Variants in PKD1 observed in about 807,000 individuals in gnomAD.
PKD1 encodes the protein polycystin-1.
PKD1 carries 81 observed loss-of-function variants against 361.7 expected under a neutral mutation model. The observed-to-expected ratio is 0.22, with a 90% confidence interval of 0.19 to 0.27. The LOEUF (loss-of-function observed/expected upper bound fraction) is 0.27. PKD1 is among the 10% of genes least tolerant of loss of function. The pLI, the probability that PKD1 is intolerant of heterozygous loss-of-function variation, is 1.00. For missense variants in PKD1, 6,399 were observed against 6,118.3 expected (o/e 1.05, Z -1.53); for synonymous variants, 3,615 against 2,818.3 (o/e 1.28, Z -8.95).
rs751600500 is a variant in PKD1, at chr16:2,108,284, T to C, written c.6883A>G (p.Ser2295Gly). ...GAAGCCACACAGGCCCAGTGGAAACTGAGCGGCGTCTGGTCGCCGTCCTCC... is the reference window on the plus strand; with the variant it reads ...GAAGCCACACAGGCCCAGTGGAAACCGAGCGGCGTCTGGTCGCCGTCCTCC... Reference protein sequence around the residue: ...NLEDGDQTPLSFHWACVASTQ... With the variant: ...NLEDGDQTPLGFHWACVASTQ... Residue 2295 changes from serine to glycine, a missense_variant, in exon 15 of 46, where the codon AGT becomes GGT. Transcript: ENST00000262304. 6.2e-6 allele frequency: 10 copies of C among 1,602,130 alleles called. No homozygotes were observed. Among genetic ancestry groups the C allele is most frequent in the Non-Finnish European group, 4.3e-6 (5 of 1,173,552 alleles).
chr16:2,103,884 G>T lies in PKD1; in HGVS notation c.8173C>A (p.His2725Asn), dbSNP rs1007019127. ...GCCCGCACGTCCGAGCTGGCCAGGT[G>T]GATGAGGTCTCCTGCAGACATGCGT... is the stretch of plus-strand genomic sequence containing the variant. The part of the protein sequence containing the change: ...SILNITGDLI[H>N]LASSDVRAPQ... Residue 2725 changes from histidine (H) to asparagine (N), a missense_variant, in exon 23 of 46, where the codon CAC becomes AAC. His to Asn is a moderately conservative substitution (Grantham distance 68, BLOSUM62 1). Coordinates refer to ENST00000262304, the MANE Select transcript of PKD1 (RefSeq NM_001009944.3). The T allele has an allele frequency of 2.1e-5, 34 of 1,591,718 alleles. No individual in the cohort carries two copies. Among genetic ancestry groups the T allele is most frequent in the Non-Finnish European group, 2.9e-5 (34 of 1,173,210 alleles).
In PKD1 at chr16:2,111,483, G is replaced by A. The variant is rs781384791; in HGVS notation, c.3684C>T (p.Pro1228=). 31 of 1,611,196 alleles carry A rather than the reference G, an allele frequency of 1.9e-5. No individual in the cohort carries two copies. The highest frequency in any genetic ancestry group is 5.5e-5 in the South Asian group (5 of 90,950). ...DMSLAVEQGA[P]VVVSAAVQTG... is the part of the protein sequence containing the mutation. Reference sequence around the variant, plus strand: ...TCTGCACCGCGGCGCTGACCACCACGGGGGCGCCCTGCTCCACGGCCAGGC... The same window carrying A: ...TCTGCACCGCGGCGCTGACCACCACAGGGGCGCCCTGCTCCACGGCCAGGC... The change falls in exon 15 of 46, where the codon CCC becomes CCT. Residue 1228 remains proline, a synonymous_variant. Transcript: ENST00000262304.
intron 11 of PKD1, among the ~76,000 whole-genome samples, chr16:2,113,495 C>T (rs543739371): frequency 3.1e-4 from 47 of 152,142 alleles, no homozygotes; most frequent in Non-Finnish European, 4.3e-4. Flanking sequence ...TGTAGTACTA[C>T]TAATGCCTCA....
At chr16:2,125,228 CG>C (rs2092780853) in intron 1 of PKD1, among the ~76,000 whole-genome samples, 1 of 151,902 alleles carries the variant, frequency 6.6e-6, no homozygotes, top group Non-Finnish European at 1.5e-5. Flanking sequence ...AGTGCAGCCC[CG>C]GGCTGGGCAG....
rs765103218 is a variant in PKD1 at position 2,109,922 on chromosome 16, C to T, written c.5245G>A (p.Val1749Ile). The T allele has an allele frequency of 3.6e-5, 58 of 1,610,222 alleles. No individual in the cohort carries two copies. The highest frequency in any genetic ancestry group is 6.7e-5 in the Admixed American group (4 of 59,964). ...SAELAGGSGVVYTWSLEEGLS... is the reference protein window; with the variant it reads ...SAELAGGSGVIYTWSLEEGLS... Reference sequence around the variant, plus strand: ...CCCTCCTCCAAGGACCAAGTGTATACGACACCACTGCCACCAGCCAGCTCG... The same window carrying T: ...CCCTCCTCCAAGGACCAAGTGTATATGACACCACTGCCACCAGCCAGCTCG... The change falls in exon 15 of 46, where the codon GTA becomes ATA. Residue 1749 changes from valine (V) to isoleucine (I), a missense_variant. Transcript: ENST00000262304.
intron 1 of PKD1, among the ~76,000 whole-genome samples, chr16:2,121,144 T>A (rs1204766654): frequency 6.6e-6 from 1 of 151,884 alleles, no homozygotes; most frequent in Non-Finnish European, 1.5e-5. Context: ...GGCGGGCGCA[T>A]CACCTGAGGT....
At position 2,103,349 on chromosome 16, in the gene PKD1, G is replaced by A. The variant is rs777129763; in HGVS notation, c.8708C>T (p.Ala2903Val). The A allele has an allele frequency of 6.9e-6, 11 of 1,605,066 alleles. No individual in the cohort carries two copies. The African/African-American group carries it at 1.1e-4, about 16-fold the overall frequency. ...CAGGGTGACCACAGCACCGACGGAG[G>A]CCTGGGGCTGGACCACAACGGAGTT... ...SANSVVVQPQ[A>V]SVGAVVTLDS... is the part of the protein sequence containing the mutation. The change falls in exon 23 of 46, where the codon GCC (alanine) becomes GTC (valine). Residue 2903 changes from alanine (A) to valine (V), a missense_variant. By Grantham distance (64) the Ala-to-Val change is moderately conservative (BLOSUM62 0). Coordinates refer to ENST00000262304, the MANE Select transcript of PKD1 (RefSeq NM_001009944.3).
rs751357166 is a variant in PKD1 at position 2,099,843 on chromosome 16, G to C, written c.9923+18C>G. 5 of 1,561,388 alleles carry C rather than the reference G, an allele frequency of 3.2e-6. No homozygotes were observed. Among genetic ancestry groups the C allele is most frequent in the Middle Eastern group, 2.3e-4 (1 of 4,386 alleles). ...GGGCTGGGCAGGAAGAGGCTGCCCC[G>C]ACCCCTACGGCACCCACCTGTAGGC... On this transcript the variant is annotated intron_variant, in intron 29 of 45. Transcript: ENST00000262304.
chr16:2,095,957 CAT>C (rs1299831803), intron 34 of PKD1, among the ~76,000 whole-genome samples: 5 of 152,242 alleles, frequency 3.3e-5, no homozygotes, highest in Non-Finnish European at 7.3e-5. Context: ...AAGATGCCCT[CAT>C]GTGATGGTTA....
intron 30 of PKD1, chr16:2,099,437 C>G (rs2091994956): frequency 1.5e-6 from 1 of 670,098 alleles, no homozygotes; most frequent in Non-Finnish European, 2.7e-6. Flanking sequence ...AAAGTGCCCT[C>G]GTTCTTTCAC....
intron 35 of PKD1, 38 bp from the exon 36 acceptor site, chr16:2,094,051 CAG>C: frequency 1.9e-6 from 3 of 1,590,998 alleles, no homozygotes; most frequent in Non-Finnish European, 2.6e-6. Context: ...AGGCAGCTCA[CAG>C]GGAGGGGCTA....
intron 26 of PKD1, among the ~76,000 whole-genome samples, chr16:2,101,148 G>A (rs1158036156): frequency 1.3e-5 from 2 of 152,048 alleles, no homozygotes; most frequent in Admixed American, 6.5e-5. Flanking sequence ...ACTACGCCGG[G>A]CTAATTTTTT....
rs2151686150 is a variant in PKD1 at position 2,090,889 on chromosome 16, C to T, written c.11998G>A (p.Val4000Ile). Reference sequence around the variant, plus strand: ...CCCACCGGCCCAGCCCTCACCTTGACCAAAAGCAGGAAGAGCAGCGAGGCC... The same window carrying T: ...CCCACCGGCCCAGCCCTCACCTTGATCAAAAGCAGGAAGAGCAGCGAGGCC... ...LAASLLFLLL[V>I]KAAQQLRFVR... The change falls in exon 43 of 46, where the codon GTC becomes ATC. Residue 4000 changes from valine (V) to isoleucine (I), a missense_variant. Val to Ile is a conservative substitution (Grantham distance 29). Transcript: ENST00000262304. 1.2e-6 allele frequency: 2 copies of T among 1,603,228 alleles called. No individual in the cohort carries two copies. Among genetic ancestry groups the T allele is most frequent in the East Asian group, 2.2e-5 (1 of 44,838 alleles).
In PKD1 at chr16:2,109,769, C is replaced by A; in HGVS notation, c.5398G>T (p.Val1800Leu). The stretch of plus-strand genomic sequence containing the variant: ...CTGATGCTGAGGCCACTCACAGGCA[C>A]CTGCACATCCACTTCCACGGTGGCG... ...ANATVEVDVQ[V>L]PVSGLSIRAS... Residue 1800 changes from valine (V) to leucine (L), a missense_variant, in exon 15 of 46, where the codon GTG (valine) becomes TTG (leucine). Physicochemically the swap from Val to Leu is conservative, Grantham distance 32. Coordinates refer to ENST00000262304, the MANE Select transcript of PKD1 (RefSeq NM_001009944.3). The A allele has an allele frequency of 1.2e-6, 2 of 1,609,884 alleles. No homozygotes were observed. Among genetic ancestry groups the A allele is most frequent in the Non-Finnish European group, 1.7e-6 (2 of 1,179,448 alleles).
At chr16:2,099,456 C>T in intron 30 of PKD1, 188 bp downstream of exon 30, 2 of 692,542 alleles carry the variant, frequency 2.9e-6, no homozygotes, top group South Asian at 3.0e-5. Context: ...ACCATTCTGG[C>T]TTCTGAGTCT....
Position 2,107,939 on chromosome 16 carries a change from T to C in PKD1, c.7009A>G (p.Thr2337Ala), listed in dbSNP as rs1332663965. The change falls in exon 16 of 46, where the codon ACC (threonine) becomes GCC (alanine). Residue 2337 changes from threonine to alanine, a missense_variant. Thr to Ala is a moderately conservative substitution (Grantham distance 58). Transcript: ENST00000262304. Reference protein sequence around the residue: ...RERLAAGVEYTFSLTVWKAGR... With the variant: ...RERLAAGVEYAFSLTVWKAGR... ...GCCTTCCACACGGTCAGGCTGAAGGTGTACTCCACGCCAGCCGCCAGCCGC... is the reference window on the plus strand; with the variant it reads ...GCCTTCCACACGGTCAGGCTGAAGGCGTACTCCACGCCAGCCGCCAGCCGC... The C allele has an allele frequency of 1.3e-6, 2 of 1,546,044 alleles. No homozygotes were observed. Among genetic ancestry groups the C allele is most frequent in the East Asian group, 4.9e-5 (2 of 40,920 alleles).
intron 26 of PKD1, among the ~76,000 whole-genome samples, chr16:2,101,422 C>T (rs1596518462): frequency 6.6e-6 from 1 of 152,200 alleles, no homozygotes; most frequent in East Asian, 1.9e-4. Flanking sequence ...CCGAGGCAGG[C>T]GGATCACCTG....
At chr16:2,096,651 G>T (rs1446504320) in intron 34 of PKD1, among the ~76,000 whole-genome samples, 1 of 152,134 alleles carries the variant, frequency 6.6e-6, no homozygotes, top group African/African-American at 2.4e-5. Flanking sequence ...GAGTAACTGG[G>T]ACTACAGGCG....
In PKD1 at chr16:2,106,832, G is replaced by A. The variant is rs764203276; in HGVS notation, c.7182C>T (p.Leu2394=). 16 of 1,515,752 alleles carry A rather than the reference G, an allele frequency of 1.1e-5. No homozygotes were observed. The highest frequency in any genetic ancestry group is 3.4e-5 in the Admixed American group (2 of 58,976). 93.9% of individuals were successfully genotyped at this position (1,515,752 alleles called of 1,614,324 possible). ...SSYVYLEGRC[L]NCSSGSKRGR... ...CTCGCTTGGAGCCGCTGCTGCAATTGAGGCAGCGGCCCTCCAAGTACACGT... is the reference window on the plus strand; with the variant it reads ...CTCGCTTGGAGCCGCTGCTGCAATTAAGGCAGCGGCCCTCCAAGTACACGT... Residue 2394 remains leucine (L), a synonymous_variant, in exon 17 of 46, where the codon CTC becomes CTT. Coordinates refer to ENST00000262304, the MANE Select transcript of PKD1 (RefSeq NM_001009944.3). This position sits in a 1 kb window ranked among gnomAD's most constrained non-coding sequence, Gnocchi z 6.5.
Sources: gnomAD v4.1 joint callset for allele counts (sites outside exome capture counted in the v4.1 genomes callset) on GRCh38, gnomAD v4.1.1 for gene constraint, Gnocchi (gnomAD v3.1) non-coding constraint, MANE v1.5 for transcripts, NCBI Gene and HGNC (gene_info 2026-07-23, HGNC 2026-07-21) for gene names.